The following DLG2 variants were observed in gnomAD, a reference collection of about 807,000 sequenced individuals.
DLG2 encodes disks large homolog 2.
A neutral mutation model predicts 132.5 loss-of-function variants in DLG2; 45 were observed. The ratio of observed to expected loss-of-function variants is 0.34; its 90% confidence interval spans 0.27 to 0.44. DLG2 has a LOEUF of 0.44. DLG2 is among the 20% of genes least tolerant of loss of function. The pLI is 1.00. For missense variants in DLG2, 1,045 were observed against 1,196.9 expected, an observed-to-expected ratio of 0.87 and a Z score of 1.87; for synonymous variants, 424 against 419.6, an observed-to-expected ratio of 1.01 and a Z score of -0.13.
intron 6 of DLG2, among the ~76,000 whole-genome samples, chr11:84,631,018 T>TCTCTCTCTCTCACA (rs1217703556): frequency 3.2e-5 from 3 of 94,262 alleles, no homozygotes; most frequent in Non-Finnish European, 4.0e-5. Context: ...TCTCTCTCTC[T>TCTCTCTCTCTCACA]CACACACACA....
chr11:83,805,357 A>C (rs1256549415), intron 17 of DLG2, among the ~76,000 whole-genome samples: 1 of 149,152 alleles, frequency 6.7e-6, no homozygotes, highest in Non-Finnish European at 1.5e-5. Context: ...AGCTTCTCCC[A>C]TATATATATA....
At chr11:83,895,681 C>T (rs994287515) in intron 15 of DLG2, among the ~76,000 whole-genome samples, 4 of 152,294 alleles carry the variant, frequency 2.6e-5, no homozygotes, top group South Asian at 2.1e-4. Flanking sequence ...ACCCAGCCTG[C>T]TGCTATTCAT....
chr11:83,505,145 G>C (rs560048926), intron 21 of DLG2, among the ~76,000 whole-genome samples: 42 of 152,344 alleles, frequency 2.8e-4, no homozygotes, highest in Non-Finnish European at 4.6e-4. Context: ...TCCAGAGTAA[G>C]TGTCTATTCC....
rs183592663 is a variant in DLG2, at chr11:84,478,722, T to G, written c.519+55848A>C. Among the ~76,000 whole-genome samples the G allele has an allele frequency of 2.2e-3, 332 of 152,192 alleles. 1 individual carries two copies. The highest frequency in any genetic ancestry group is 7.8e-3 in the African/African-American group (326 of 41,562). ...TGCCGGGACTAGAAAGAATGGTCTTTAAAACACAGTTATATAACTATGTAT... is the reference window on the plus strand; with the variant it reads ...TGCCGGGACTAGAAAGAATGGTCTTGAAAACACAGTTATATAACTATGTAT... On this transcript the variant is annotated intron_variant, in intron 7 of 27. Transcript: ENST00000376104.
chr11:83,956,798 C>T (rs571519966), intron 14 of DLG2, among the ~76,000 whole-genome samples: 131 of 152,304 alleles, frequency 8.6e-4, no homozygotes, highest in African/African-American at 3.1e-3. Flanking sequence ...TCTGATCCTT[C>T]GAGAGCTTGT....
At chr11:84,153,241 C>T (rs2095346856) in intron 9 of DLG2, among the ~76,000 whole-genome samples, 1 of 152,084 alleles carries the variant, frequency 6.6e-6, no homozygotes, top group Non-Finnish European at 1.5e-5. Context: ...TTGTAAGTGA[C>T]CTGACCCTTT....
At chr11:84,148,864 G>A (rs1484264158) in intron 9 of DLG2, among the ~76,000 whole-genome samples, 2 of 151,912 alleles carry the variant, frequency 1.3e-5, no homozygotes, top group African/African-American at 2.4e-5. Context: ...TTTTCTCCAC[G>A]TCCCTACCAA....
chr11:85,103,659 G>A (rs1429983652), intron 6 of DLG2, among the ~76,000 whole-genome samples: 4 of 151,808 alleles, frequency 2.6e-5, no homozygotes, highest in African/African-American at 9.7e-5. Flanking sequence ...TTGTGACCTT[G>A]GGTTATGCCA....
intron 6 of DLG2, among the ~76,000 whole-genome samples, chr11:84,957,205 G>C (rs1285252046): frequency 6.6e-6 from 1 of 152,068 alleles, no homozygotes; most frequent in Admixed American, 6.5e-5. Context: ...ACCTAGACTT[G>C]CTGGCTCCAG....
At chr11:85,005,130 C>A (rs2058539014) in intron 6 of DLG2, among the ~76,000 whole-genome samples, 1 of 152,104 alleles carries the variant, frequency 6.6e-6, no homozygotes, top group African/African-American at 2.4e-5. Context: ...GTTACTGTAG[C>A]CTTGTAGTAT....
At chr11:85,394,044 A>C (rs1022667971) in intron 3 of DLG2, among the ~76,000 whole-genome samples, 6 of 152,240 alleles carry the variant, frequency 3.9e-5, no homozygotes, top group South Asian at 2.1e-4. Context: ...CCTGTTCCCC[A>C]AAAAAACCTA....
chr11:85,038,527 A>T (rs1302954033), intron 6 of DLG2, among the ~76,000 whole-genome samples: 1 of 152,002 alleles, frequency 6.6e-6, no homozygotes, highest in Non-Finnish European at 1.5e-5. Context: ...TAGGATTCAC[A>T]TGTCTTTCTC....
At chr11:85,062,137 C>G (rs1188623751) in intron 6 of DLG2, among the ~76,000 whole-genome samples, 1 of 151,772 alleles carries the variant, frequency 6.6e-6, no homozygotes, top group Non-Finnish European at 1.5e-5. Flanking sequence ...TTTTGGTTAT[C>G]TGAAATTGAA....
intron 6 of DLG2, among the ~76,000 whole-genome samples, chr11:84,975,463 C>G (rs2054759853): frequency 6.6e-6 from 1 of 152,042 alleles, no homozygotes; most frequent in African/African-American, 2.4e-5. Flanking sequence ...AATGCAATGC[C>G]CAGTACTTCA....
intron 8 of DLG2, among the ~76,000 whole-genome samples, chr11:84,175,953 A>G (rs773908097): frequency 4.1e-4 from 63 of 152,172 alleles, no homozygotes; most frequent in Non-Finnish European, 3.1e-4. Flanking sequence ...AGGTGATAAC[A>G]TAGAAATTGT....
At chr11:85,625,869 G>C (rs1038907963) in intron 2 of DLG2, among the ~76,000 whole-genome samples, 2 of 152,038 alleles carry the variant, frequency 1.3e-5, no homozygotes, top group Admixed American at 1.3e-4. Context: ...GTTAACCTGG[G>C]GTGCATCTAA....
intron 6 of DLG2, among the ~76,000 whole-genome samples, chr11:84,615,722 G>A (rs2099602766): frequency 6.8e-6 from 1 of 147,492 alleles, no homozygotes; most frequent in African/African-American, 2.5e-5. Context: ...CTGGTGACCT[G>A]ATTAAAAAGG....
chr11:84,000,567 T>C (rs979792892), intron 11 of DLG2, among the ~76,000 whole-genome samples: 1 of 152,104 alleles, frequency 6.6e-6, no homozygotes, highest in Non-Finnish European at 1.5e-5. Context: ...CCATGGCACA[T>C]TACAGTCAAA....
intron 6 of DLG2, among the ~76,000 whole-genome samples, chr11:85,059,556 C>T (rs2063815430): frequency 6.6e-6 from 1 of 151,356 alleles, no homozygotes; most frequent in Admixed American, 6.6e-5. Context: ...TACAATGGAT[C>T]ACCATATGGG....
Sources: allele counts gnomAD v4.1 joint callset (sites outside exome capture counted in the v4.1 genomes callset), GRCh38; gene constraint gnomAD v4.1.1; transcripts MANE v1.5; gene names NCBI Gene and HGNC (gene_info 2026-07-23, HGNC 2026-07-21).